Variants in PTPRD observed in about 807,000 individuals in gnomAD.
PTPRD encodes receptor-type tyrosine-protein phosphatase delta.
PTPRD carries 34 observed loss-of-function variants against 214.5 expected under a neutral mutation model. That is an observed-to-expected ratio of 0.16 (90% CI 0.12 to 0.21). The LOEUF (loss-of-function observed/expected upper bound fraction) is 0.21. Ranked by LOEUF, PTPRD falls within the 10% of genes least tolerant of loss-of-function variation. The pLI, the probability that PTPRD is intolerant of heterozygous loss-of-function variation, is 1.00. For missense variants in PTPRD, 2,545 were observed against 2,398.7 expected, an observed-to-expected ratio of 1.06 and a Z score of -1.27; for synonymous variants, 1,128 against 845.7, an observed-to-expected ratio of 1.33 and a Z score of -5.79.
intron 36 of PTPRD, among the ~76,000 whole-genome samples, chr9:8,401,576 G>A (rs2092400869): frequency 6.6e-6 from 1 of 152,030 alleles, no homozygotes. Flanking sequence ...AAATGACTGT[G>A]ATTTGGAAAG....
chr9:9,940,971 G>C (rs553612218), intron 4 of PTPRD, among the ~76,000 whole-genome samples: 55 of 151,976 alleles, frequency 3.6e-4, no homozygotes, highest in Admixed American at 3.6e-3. Context: ...AGACCTGGGG[G>C]TGGGCAAGCT....
intron 2 of PTPRD, among the ~76,000 whole-genome samples, chr9:10,592,991 A>G (rs1435550334): frequency 2.6e-5 from 4 of 151,620 alleles, no homozygotes; most frequent in Non-Finnish European, 5.9e-5. Context: ...GCTGCTGCTC[A>G]CTCTTTGGGT....
At chr9:8,671,217 G>T (rs1428244662) in intron 12 of PTPRD, among the ~76,000 whole-genome samples, 1 of 152,128 alleles carries the variant, frequency 6.6e-6, no homozygotes, top group East Asian at 1.9e-4. Context: ...GCAGAAAAAT[G>T]ATGCGATACT....
At chr9:9,386,887 C>T (rs1204896556) in intron 9 of PTPRD, among the ~76,000 whole-genome samples, 1 of 152,084 alleles carries the variant, frequency 6.6e-6, no homozygotes, top group Non-Finnish European at 1.5e-5. Context: ...TCCTGAGCCC[C>T]AACACAGAGG....
chr9:9,180,007 C>G (rs1217826828), intron 10 of PTPRD, among the ~76,000 whole-genome samples: 1 of 151,972 alleles, frequency 6.6e-6, no homozygotes, highest in East Asian at 1.9e-4. Flanking sequence ...CAAGAAAGCT[C>G]TTTTTTATTG....
At chr9:9,466,677 G>T (rs754459728) in intron 8 of PTPRD, among the ~76,000 whole-genome samples, 3 of 152,200 alleles carry the variant, frequency 2.0e-5, no homozygotes, top group South Asian at 2.1e-4. Context: ...TTATTTGATA[G>T]TTCATCCTTT....
chr9:10,254,221 T>G (rs1215172528), intron 3 of PTPRD, among the ~76,000 whole-genome samples: 1 of 152,240 alleles, frequency 6.6e-6, no homozygotes, highest in Non-Finnish European at 1.5e-5. Context: ...GCAAATCATC[T>G]GTGGGTGCAT....
intron 8 of PTPRD, among the ~76,000 whole-genome samples, chr9:9,559,989 C>A (rs1040543739): frequency 2.6e-5 from 4 of 152,206 alleles, no homozygotes; most frequent in Admixed American, 2.6e-4. Context: ...ATTGCCAAGT[C>A]CACATGTGGC....
At chr9:9,280,275 A>G (rs899073867) in intron 9 of PTPRD, among the ~76,000 whole-genome samples, 5 of 151,334 alleles carry the variant, frequency 3.3e-5, no homozygotes, top group Non-Finnish European at 1.5e-5. Context: ...CTGGAACCCA[A>G]CAAGCTACAT....
At chr9:10,306,892 CA>C (rs546059792) in intron 3 of PTPRD, among the ~76,000 whole-genome samples, 263 of 152,106 alleles carry the variant, frequency 1.7e-3, no homozygotes, top group African/African-American at 6.0e-3. Context: ...TATGTTTATA[CA>C]AAAATAATAA....
chr9:9,721,124 C>T (rs939449303), intron 7 of PTPRD, among the ~76,000 whole-genome samples: 2 of 151,758 alleles, frequency 1.3e-5, no homozygotes, highest in East Asian at 1.9e-4. Context: ...CATATGTACC[C>T]CTGAAACTAA....
intron 12 of PTPRD, among the ~76,000 whole-genome samples, chr9:8,671,059 T>C (rs1228628362): frequency 6.6e-6 from 1 of 152,206 alleles, no homozygotes; most frequent in Non-Finnish European, 1.5e-5. Flanking sequence ...AGAGACATTC[T>C]TGTATATTCC....
chr9:8,792,124 A>G (rs2096257098), intron 11 of PTPRD, among the ~76,000 whole-genome samples: 1 of 152,210 alleles, frequency 6.6e-6, no homozygotes, highest in South Asian at 2.1e-4. Context: ...AACTATCAAT[A>G]TAGCATGTAT....
At chr9:8,844,463 T>G (rs1454189867) in intron 11 of PTPRD, among the ~76,000 whole-genome samples, 4 of 152,050 alleles carry the variant, frequency 2.6e-5, no homozygotes, top group African/African-American at 4.8e-5. Context: ...ACTGAGCAGT[T>G]TGGTATACTT....
At chr9:9,191,174 C>A (rs1160576664) in intron 9 of PTPRD, among the ~76,000 whole-genome samples, 1 of 152,094 alleles carries the variant, frequency 6.6e-6, no homozygotes, top group East Asian at 1.9e-4. Context: ...AGCCTTTGGT[C>A]TGGAAAAAGC....
intron 4 of PTPRD, among the ~76,000 whole-genome samples, chr9:9,955,546 CAG>C (rs943205552): frequency 2.1e-5 from 3 of 143,018 alleles, no homozygotes; most frequent in African/African-American, 5.5e-5. Flanking sequence ...TTTTTTGAGA[CAG>C]AGTCTCGCTC....
Position 9,937,103 on chromosome 9 carries a change from A to T in PTPRD, c.-368+1404T>A, listed in dbSNP as rs140566181. The stretch of plus-strand genomic sequence containing the variant: ...GGTTGGGGGAAGGGGGAGGGATAGC[A>T]CTGGGAGATATACCTAATGCTAGAT... On this transcript the variant is annotated intron_variant, in intron 5 of 45. Coordinates refer to ENST00000381196, the MANE Select transcript of PTPRD (RefSeq NM_002839.4). Among the ~76,000 whole-genome samples the T allele has an allele frequency of 4.0e-3, 609 of 152,248 alleles. 3 individuals are homozygous for T. The highest frequency in any genetic ancestry group is 0.014 in the African/African-American group (578 of 41,550).
At chr9:8,795,456 C>T (rs950829582) in intron 11 of PTPRD, among the ~76,000 whole-genome samples, 3 of 152,132 alleles carry the variant, frequency 2.0e-5, no homozygotes, top group Non-Finnish European at 4.4e-5. Context: ...GTGTGAGCCA[C>T]CACACCCAGC....
chr9:8,712,120 G>T (rs936718991), intron 12 of PTPRD, among the ~76,000 whole-genome samples: 12 of 152,156 alleles, frequency 7.9e-5, no homozygotes, highest in Admixed American at 3.3e-4. Flanking sequence ...CAAGAAGTAG[G>T]GGAGGGAGGG....
Sources: gnomAD v4.1 joint callset for allele counts (sites outside exome capture counted in the v4.1 genomes callset) on GRCh38, gnomAD v4.1.1 for gene constraint, MANE v1.5 for transcripts, NCBI Gene and HGNC (gene_info 2026-07-23, HGNC 2026-07-21) for gene names.